The following WDR72 variants were observed in gnomAD, a reference collection of about 807,000 sequenced individuals.
WDR72 encodes WD repeat-containing protein 72.
A neutral mutation model predicts 124.2 loss-of-function variants in WDR72; 120 were observed. That is an observed-to-expected ratio of 0.97 (90% CI 0.83 to 1.12). The LOEUF is 1.12. Among genes scored for constraint, WDR72 ranks in the 50% most tolerant of loss-of-function variants. WDR72 has a pLI of 0.00. For synonymous variants in WDR72, 452 were observed against 441.7 expected (o/e 1.02, Z -0.29); for missense variants, 1,387 against 1,278.8 (o/e 1.08, Z -1.29).
intron 11 of WDR72, 100 bp from the exon 12 acceptor site, chr15:53,702,454 T>C (rs1391779009): frequency 6.0e-6 from 6 of 993,028 alleles, no homozygotes; most frequent in Non-Finnish European, 9.2e-6. Context: ...GGAAATTACA[T>C]ATAATTAAAG....
At chr15:53,717,511 T>C (rs1232869750) in intron 3 of WDR72, among the ~76,000 whole-genome samples, 2 of 152,202 alleles carry the variant, frequency 1.3e-5, no homozygotes, top group East Asian at 3.8e-4. Context: ...TTGCAGGCTT[T>C]TTTGTTTTTC....
At chr15:53,683,207 G>A (rs12437464) in intron 13 of WDR72, among the ~76,000 whole-genome samples, 3 of 151,844 alleles carry the variant, frequency 2.0e-5, no homozygotes, top group African/African-American at 7.3e-5. Context: ...TTTGGGTGGG[G>A]ACACAGAGCC....
intron 3 of WDR72, among the ~76,000 whole-genome samples, chr15:53,722,262 T>G (rs1280989934): frequency 6.6e-6 from 1 of 152,092 alleles, no homozygotes; most frequent in Non-Finnish European, 1.5e-5. Context: ...CTCAAACTCC[T>G]GACCTCAGGT....
chr15:53,732,848 T>C, intron 2 of WDR72, 149 bp downstream of exon 2: 1 of 951,440 alleles, frequency 1.1e-6, no homozygotes, highest in Non-Finnish European at 1.6e-6. Flanking sequence ...CTTTATTTTC[T>C]CAAAATTCAG....
intron 14 of WDR72, among the ~76,000 whole-genome samples, chr15:53,655,821 T>G (rs958830589): frequency 1.3e-5 from 2 of 152,128 alleles, no homozygotes; most frequent in Non-Finnish European, 2.9e-5. Flanking sequence ...GCCTCCTGAG[T>G]AGCTGGGATT....
chr15:53,719,539 A>G (rs2017813545), intron 3 of WDR72, among the ~76,000 whole-genome samples: 1 of 152,146 alleles, frequency 6.6e-6, no homozygotes, highest in African/African-American at 2.4e-5. Context: ...TTCATGTTCA[A>G]TATGAAGCAT....
chr15:53,688,529 G>C (rs2016724879), intron 13 of WDR72, among the ~76,000 whole-genome samples: 1 of 152,052 alleles, frequency 6.6e-6, no homozygotes, highest in African/African-American at 2.4e-5. Flanking sequence ...CCTCTTCAAG[G>C]AGAACTACAA....
intron 18 of WDR72, among the ~76,000 whole-genome samples, chr15:53,592,720 A>G (rs1447818858): frequency 1.3e-5 from 2 of 152,084 alleles, no homozygotes; most frequent in Admixed American, 1.3e-4. Flanking sequence ...TTTCTAGTTC[A>G]ACCAATTTAT....
At position 53,698,755 on chromosome 15, in the gene WDR72, G is replaced by A. The variant is rs2017081286; in HGVS notation, c.1765+995C>T. Among the ~76,000 whole-genome samples the A allele has an allele frequency of 1.3e-5, 2 of 152,118 alleles. 1 individual carries two copies. Among genetic ancestry groups the A allele is most frequent in the South Asian group, 4.1e-4 (2 of 4,830 alleles). ...CAAACTGGTTCACCACTTATTAGTT[G>A]TACAGTCTTGTACATTTATGTATCA... On this transcript the variant is annotated intron_variant, in intron 13 of 19. Transcript: ENST00000360509.
intron 14 of WDR72, among the ~76,000 whole-genome samples, chr15:53,622,123 A>G: frequency 6.6e-6 from 1 of 152,178 alleles, no homozygotes; most frequent in Non-Finnish European, 1.5e-5. Flanking sequence ...GTCAAGAAAC[A>G]ACAGATAATA....
intron 18 of WDR72, among the ~76,000 whole-genome samples, chr15:53,526,941 G>A (rs1036812065): frequency 3.3e-5 from 5 of 152,036 alleles, no homozygotes; most frequent in African/African-American, 4.8e-5. Flanking sequence ...CTCATCACAT[G>A]CCTCAAAATA....
intron 18 of WDR72, among the ~76,000 whole-genome samples, chr15:53,580,883 T>C (rs2011886150): frequency 6.6e-6 from 1 of 152,100 alleles, no homozygotes; most frequent in Non-Finnish European, 1.5e-5. Context: ...CCAACCTGCA[T>C]TCCATGGCAT....
chr15:53,611,115 C>A (rs781037114), intron 16 of WDR72, among the ~76,000 whole-genome samples: 11 of 152,094 alleles, frequency 7.2e-5, no homozygotes, highest in Non-Finnish European at 1.5e-4. Flanking sequence ...TTCCTGCTGA[C>A]AGAAGTGAAT....
intron 18 of WDR72, among the ~76,000 whole-genome samples, chr15:53,591,131 A>G (rs1363743763): frequency 1.3e-5 from 2 of 151,904 alleles, no homozygotes; most frequent in Non-Finnish European, 2.9e-5. Flanking sequence ...AGTTTAGGCA[A>G]CTTTTCTTGG....
At chr15:53,678,715 C>T (rs182617256) in intron 13 of WDR72, among the ~76,000 whole-genome samples, 158 of 152,306 alleles carry the variant, frequency 1.0e-3, no homozygotes, top group African/African-American at 3.4e-3. Flanking sequence ...CCCCAGTATG[C>T]GTGGCTGCGT....
intron 1 of WDR72, among the ~76,000 whole-genome samples, chr15:53,758,132 A>C (rs1238075342): frequency 1.3e-5 from 2 of 151,976 alleles, no homozygotes; most frequent in Admixed American, 6.6e-5. Flanking sequence ...CAGGCTTCCT[A>C]GTAGCTGGGA....
At chr15:53,642,975 AT>A (rs2014908583) in intron 14 of WDR72, among the ~76,000 whole-genome samples, 1 of 152,012 alleles carries the variant, frequency 6.6e-6, no homozygotes, top group South Asian at 2.1e-4. Context: ...AGAGTCCTAT[AT>A]TGGTTTACCT....
At chr15:53,534,947 G>T (rs1345951183) in intron 18 of WDR72, among the ~76,000 whole-genome samples, 1 of 151,834 alleles carries the variant, frequency 6.6e-6, no homozygotes, top group Non-Finnish European at 1.5e-5. Context: ...GATTATACTA[G>T]TTCTATTTTA....
chr15:53,654,713 T>G (rs1383511680), intron 14 of WDR72, among the ~76,000 whole-genome samples: 1 of 152,204 alleles, frequency 6.6e-6, no homozygotes, highest in African/African-American at 2.4e-5. Flanking sequence ...GTAGACCATT[T>G]AAATCAGATG....
Sources: gnomAD v4.1 joint callset for allele counts (sites outside exome capture counted in the v4.1 genomes callset) on GRCh38, gnomAD v4.1.1 for gene constraint, MANE v1.5 for transcripts, NCBI Gene and HGNC (gene_info 2026-07-23, HGNC 2026-07-21) for gene names.